Variants in CARMIL1 observed in about 807,000 individuals in gnomAD.
CARMIL1 encodes the protein capping protein regulator and myosin 1 linker 1, also known as F-actin-uncapping protein LRRC16A.
A neutral mutation model predicts 177.1 loss-of-function variants in CARMIL1; 90 were observed. The ratio of observed to expected loss-of-function variants is 0.51; its 90% CI spans 0.43 to 0.61. CARMIL1 has a LOEUF of 0.61. CARMIL1 is among the 20% of genes least tolerant of loss of function. The pLI is 0.00. For synonymous variants in CARMIL1, 577 were observed against 606.2 expected (o/e 0.95, Z 0.71); for missense variants, 1,380 against 1,667.0 (o/e 0.83, Z 3.00).
In CARMIL1 at chr6:25,600,444, C is replaced by G; in HGVS notation, c.3250C>G (p.Pro1084Ala). 3 of 1,613,990 alleles carry G rather than the reference C, an allele frequency of 1.9e-6. No homozygotes were observed. Among genetic ancestry groups the G allele is most frequent in the Non-Finnish European group, 2.5e-6 (3 of 1,179,882 alleles). Residue 1084 changes from proline to alanine, a missense_variant, in exon 33 of 37, where the codon CCA becomes GCA. Coordinates refer to ENST00000329474, the MANE Select transcript of CARMIL1 (RefSeq NM_017640.6). ...IKSRSKSERP[P>A]TILMTEEPSS... ...ATCCCGGTCCAAATCCGAGCGACCA[C>G]CAACGATCTTGATGACAGAAGAACC... is the stretch of plus-strand genomic sequence containing the variant.
chr6:25,390,536 G>C (rs1291027675), intron 2 of CARMIL1, among the ~76,000 whole-genome samples: 1 of 151,512 alleles, frequency 6.6e-6, no homozygotes, highest in Non-Finnish European at 1.5e-5. Context: ...TGCTCAGGCT[G>C]GTCTCCAACT....
At chr6:25,420,972 A>G (rs923292650) in intron 3 of CARMIL1, among the ~76,000 whole-genome samples, 20 of 152,220 alleles carry the variant, frequency 1.3e-4, no homozygotes, top group African/African-American at 1.7e-4. Flanking sequence ...CATGAGAGCT[A>G]TAAGTCTTAT....
intron 2 of CARMIL1, among the ~76,000 whole-genome samples, chr6:25,357,797 T>C (rs1477893540): frequency 6.6e-6 from 1 of 152,192 alleles, no homozygotes; most frequent in Non-Finnish European, 1.5e-5. Flanking sequence ...AGCAAGTAGA[T>C]GCTCAATGAA....
At chr6:25,512,539 G>A (rs1202963812) in intron 20 of CARMIL1, among the ~76,000 whole-genome samples, 1 of 152,024 alleles carries the variant, frequency 6.6e-6, no homozygotes. Context: ...CCAATACCTG[G>A]TACAATTGGG....
chr6:25,494,393 A>G (rs1803500301), intron 15 of CARMIL1, among the ~76,000 whole-genome samples: 1 of 152,176 alleles, frequency 6.6e-6, no homozygotes, highest in Non-Finnish European at 1.5e-5. Flanking sequence ...TTCAGATTCC[A>G]TCTTGGACTC....
intron 3 of CARMIL1, among the ~76,000 whole-genome samples, chr6:25,425,720 G>A (rs968385291): frequency 6.6e-6 from 1 of 152,140 alleles, no homozygotes; most frequent in African/African-American, 2.4e-5. Context: ...TACAGGAGAA[G>A]AGAGGGGCAC....
chr6:25,519,073 G>A (rs1243135329), intron 22 of CARMIL1, among the ~76,000 whole-genome samples: 1 of 152,112 alleles, frequency 6.6e-6, no homozygotes, highest in East Asian at 1.9e-4. Flanking sequence ...TTTTCCATTA[G>A]CCCATCTAGA....
intron 2 of CARMIL1, among the ~76,000 whole-genome samples, chr6:25,379,961 CT>C (rs1160829706): frequency 1.3e-5 from 2 of 150,130 alleles, no homozygotes; most frequent in East Asian, 2.2e-4. Context: ...TCTTTATGCA[CT>C]TTTTTTCTTT....
rs76274655 is a variant in CARMIL1, at chr6:25,491,280, C to T, written c.1066-452C>T. 8.8e-3 allele frequency among the ~76,000 whole-genome samples: 1,333 copies of T among 152,234 alleles called. 19 individuals are homozygous for T. Among genetic ancestry groups the T allele is most frequent in the African/African-American group, 0.03 (1,242 of 41,532 alleles). ...ACTAAGGGTAGAAAAATCATTATGT[C>T]GGACAGAAGAGAGGATAGCCTGAGA... On this transcript the variant is annotated intron_variant, in intron 13 of 36. Transcript: ENST00000329474.
chr6:25,618,693 G>A (rs538893339), intron 36 of CARMIL1, among the ~76,000 whole-genome samples: 1 of 152,276 alleles, frequency 6.6e-6, no homozygotes, highest in East Asian at 1.9e-4. Context: ...CATGACAGAG[G>A]CTCTGTTCCA....
intron 15 of CARMIL1, among the ~76,000 whole-genome samples, chr6:25,492,459 A>C (rs1341706832): frequency 1.3e-5 from 2 of 152,216 alleles, no homozygotes; most frequent in East Asian, 3.9e-4. Context: ...TCACTTATAC[A>C]CTCCTGACTT....
intron 21 of CARMIL1, among the ~76,000 whole-genome samples, chr6:25,517,101 C>A (rs1391303897): frequency 3.9e-5 from 6 of 152,132 alleles, no homozygotes; most frequent in African/African-American, 1.2e-4. Flanking sequence ...AGTAAGTGAA[C>A]ATATGTGCTA....
chr6:25,492,704 T>C (rs1198857708), intron 15 of CARMIL1, among the ~76,000 whole-genome samples: 1 of 152,204 alleles, frequency 6.6e-6, no homozygotes, highest in Non-Finnish European at 1.5e-5. Context: ...TTAAATAACA[T>C]GGGTATTGGT....
At chr6:25,426,465 C>A in intron 3 of CARMIL1, 36 bp from the exon 4 acceptor site, 1 of 1,495,630 alleles carries the variant, frequency 6.7e-7, no homozygotes, top group Non-Finnish European at 9.3e-7. Flanking sequence ...ACCCTCATTG[C>A]AGGTCTTTTC....
At chr6:25,313,840 C>T (rs1324854693) in intron 2 of CARMIL1, among the ~76,000 whole-genome samples, 1 of 151,636 alleles carries the variant, frequency 6.6e-6, no homozygotes, top group East Asian at 2.0e-4. Context: ...TTTTTTTTCA[C>T]TTCTCAGAGT....
chr6:25,583,337 ACT>A (rs1271401654), intron 31 of CARMIL1, among the ~76,000 whole-genome samples: 4 of 151,998 alleles, frequency 2.6e-5, no homozygotes, highest in Non-Finnish European at 5.9e-5. Context: ...AGCCTGAGCA[ACT>A]CTCCATGGAG....
chr6:25,583,089 G>T (rs1415100578), intron 31 of CARMIL1, among the ~76,000 whole-genome samples: 2 of 152,322 alleles, frequency 1.3e-5, no homozygotes, highest in South Asian at 4.1e-4. Flanking sequence ...AGTGCCCTCT[G>T]TATAGCCAGA....
At chr6:25,455,734 A>G (rs897934012) in intron 8 of CARMIL1, among the ~76,000 whole-genome samples, 6 of 152,132 alleles carry the variant, frequency 3.9e-5, no homozygotes, top group Admixed American at 3.9e-4. Flanking sequence ...TTTTCTGCCT[A>G]GAAGTTTGTA....
At chr6:25,545,556 T>G (rs149313970) in intron 26 of CARMIL1, among the ~76,000 whole-genome samples, 4 of 152,292 alleles carry the variant, frequency 2.6e-5, no homozygotes, top group African/African-American at 9.6e-5. Flanking sequence ...GAAGAAGATT[T>G]GAACAACAGA....
Sources: gnomAD v4.1 joint callset for allele counts (sites outside exome capture counted in the v4.1 genomes callset) on GRCh38, gnomAD v4.1.1 for gene constraint, MANE v1.5 for transcripts, NCBI Gene and HGNC (gene_info 2026-07-23, HGNC 2026-07-21) for gene names.